The following SPAG9 variants were observed in gnomAD, a reference collection of about 807,000 sequenced individuals.
SPAG9 encodes the protein C-Jun-amino-terminal kinase-interacting protein 4.
A neutral mutation model predicts 166.5 loss-of-function variants in SPAG9; 35 were observed. The ratio of observed to expected loss-of-function variants is 0.21; its 90% CI spans 0.16 to 0.28. The LOEUF (loss-of-function observed/expected upper bound fraction) is 0.28, where lower values mean the gene tolerates loss of function less well. Among genes scored for constraint, SPAG9 ranks in the 10% least tolerant of loss-of-function variants. The pLI is 1.00. For synonymous variants in SPAG9, 534 were observed against 565.5 expected, an observed-to-expected ratio of 0.94 and a Z score of 0.79; for missense variants, 1,235 against 1,603.3, an observed-to-expected ratio of 0.77 and a Z score of 3.92.
chr17:50,970,766 G>A lies in SPAG9; in HGVS notation c.3791C>T (p.Thr1264Met), dbSNP rs146407229. 75 of 1,614,036 alleles carry A rather than the reference G, an allele frequency of 4.6e-5. No homozygotes were observed. Among genetic ancestry groups the A allele is most frequent in the Non-Finnish European group, 5.7e-5 (67 of 1,179,970 alleles). Residue 1264 changes from threonine to methionine, a missense_variant, in exon 29 of 30, where the codon ACG becomes ATG. Physicochemically the swap from Thr to Met is moderately conservative, Grantham distance 81. Transcript: ENST00000262013. The stretch of plus-strand genomic sequence containing the variant: ...GATGACAAGCATAGACTTCAAGGGC[G>A]TCTGACTACCAGGCTCCTGTGCAGA... The part of the protein sequence containing the change: ...GPSAQEPGSQ[T>M]PLKSMLVISG...
At chr17:51,091,732 C>T (rs2048470398) in intron 1 of SPAG9, among the ~76,000 whole-genome samples, 1 of 151,644 alleles carries the variant, frequency 6.6e-6, no homozygotes, top group Non-Finnish European at 1.5e-5. Flanking sequence ...ACTAAATACC[C>T]CTCTTCCCTT....
chr17:51,004,375 A>G (rs1424726704), intron 12 of SPAG9, among the ~76,000 whole-genome samples: 1 of 152,212 alleles, frequency 6.6e-6, no homozygotes, highest in Non-Finnish European at 1.5e-5. Flanking sequence ...AGGGGCACCA[A>G]GTGATCATTC....
intron 11 of SPAG9, 139 bp downstream of exon 11, chr17:51,005,946 G>T: frequency 1.2e-6 from 1 of 800,644 alleles, no homozygotes; most frequent in Non-Finnish European, 2.0e-6. Flanking sequence ...ATGGGCTGGG[G>T]CACTTTGCCC....
intron 2 of SPAG9, among the ~76,000 whole-genome samples, chr17:51,077,029 T>TAGCTAG: frequency 1.5e-5 from 1 of 65,344 alleles, no homozygotes; most frequent in Admixed American, 1.5e-4. Flanking sequence ...TATCTAGCTA[T>TAGCTAG]CTATCTAGCT....
intron 4 of SPAG9, among the ~76,000 whole-genome samples, chr17:51,045,964 A>C (rs1260726930): frequency 6.6e-6 from 1 of 152,238 alleles, no homozygotes; most frequent in Non-Finnish European, 1.5e-5. Context: ...AAAAGTCTTA[A>C]ATTTTTTCAC....
At chr17:51,021,431 G>T in intron 6 of SPAG9, 66 bp from the exon 7 acceptor site, 1 of 1,274,678 alleles carries the variant, frequency 7.8e-7, no homozygotes, top group Non-Finnish European at 1.1e-6. Flanking sequence ...ACATTAAATG[G>T]GTTGAGAAAT....
chr17:51,056,480 T>C lies in SPAG9; in HGVS notation c.427A>G (p.Ser143Gly), dbSNP rs747584447. 9 of 1,585,198 alleles carry C rather than the reference T, an allele frequency of 5.7e-6. No homozygotes were observed. The highest frequency in any genetic ancestry group is 7.8e-6 in the Non-Finnish European group (9 of 1,154,416). The change falls in exon 3 of 30, where the codon AGC becomes GGC. Residue 143 changes from serine (S) to glycine (G), a missense_variant and splice_region_variant. Ser to Gly is a moderately conservative substitution (Grantham distance 56, BLOSUM62 0). This residue lies in a region of SPAG9 where 288 missense variants were observed against 323.7 expected (regional missense o/e 0.89). Coordinates refer to ENST00000262013, the MANE Select transcript of SPAG9 (RefSeq NM_001130528.3). ...LKAKNYADQI[S>G]RLEEREAELK... Reference sequence around the variant, plus strand: ...TCTGCTTCTCTTTCTTCAAGTCTGCTAACTGAAATTAAGATACATACACTT... The same window carrying C: ...TCTGCTTCTCTTTCTTCAAGTCTGCCAACTGAAATTAAGATACATACACTT...
rs373394366 is a variant in SPAG9, at chr17:51,021,206, T to C, written c.943A>G (p.Lys315Glu). ...TGGGCTACCTGTACTTCAATGTGTT[T>C]GCTTATCTCTGATTTATTTGGCGCA... ...TDAPNKSEIS[K>E]HIEVQVAQET... is the part of the protein sequence containing the mutation. Residue 315 changes from lysine to glutamate, a missense_variant, in exon 7 of 30, where the codon AAA becomes GAA. By Grantham distance (56) the Lys-to-Glu change is moderately conservative (BLOSUM62 1). This residue lies in a region of SPAG9 where 288 missense variants were observed against 323.7 expected (regional missense o/e 0.89). Transcript: ENST00000262013. 1 of 1,613,992 alleles carries C rather than the reference T, an allele frequency of 6.2e-7. No individual in the cohort carries two copies. The highest frequency in any genetic ancestry group is 8.5e-7 in the Non-Finnish European group (1 of 1,179,992).
intron 15 of SPAG9, among the ~76,000 whole-genome samples, chr17:50,996,938 G>A (rs960442721): frequency 6.6e-6 from 1 of 152,174 alleles, no homozygotes; most frequent in Non-Finnish European, 1.5e-5. Flanking sequence ...TCAGGAGTTC[G>A]AGAGCAGCCT....
At chr17:50,975,904 A>T in intron 27 of SPAG9, 1 of 1,535,112 alleles carries the variant, frequency 6.5e-7, no homozygotes, top group East Asian at 2.4e-5. Context: ...GATTACGGCT[A>T]AAGTGAGAAA....
chr17:50,980,984 A>G (rs1974559929), intron 25 of SPAG9, among the ~76,000 whole-genome samples: 3 of 152,200 alleles, frequency 2.0e-5, no homozygotes, highest in African/African-American at 7.2e-5. Flanking sequence ...CCTGGGTGAC[A>G]GAGTGAGACC....
intron 8 of SPAG9, among the ~76,000 whole-genome samples, chr17:51,019,586 C>T (rs968319534): frequency 2.0e-5 from 3 of 149,742 alleles, no homozygotes; most frequent in African/African-American, 7.4e-5. Flanking sequence ...GGCGCAGTGG[C>T]TCACGACTGT....
rs146192933 is a variant in SPAG9, at chr17:50,989,057, A to G, written c.2813+620T>C. 8.9e-4 allele frequency among the ~76,000 whole-genome samples: 135 copies of G among 152,318 alleles called. 1 individual carries two copies. Among genetic ancestry groups the G allele is most frequent in the Middle Eastern group, 3.4e-3 (1 of 294 alleles). ...CAGTAAGTACAAAAAAAAAGAAAAA[A>G]AAACAGATCAGAGGAGAAAATGAAC... is the stretch of plus-strand genomic sequence containing the variant. On this transcript the variant is annotated intron_variant, in intron 21 of 29. Coordinates refer to ENST00000262013, the MANE Select transcript of SPAG9 (RefSeq NM_001130528.3).
chr17:50,987,056 A>T, intron 22 of SPAG9, 56 bp downstream of exon 22: 3 of 1,533,456 alleles, frequency 2.0e-6, no homozygotes, highest in Admixed American at 4.3e-5. Context: ...TTATCTTCTG[A>T]TTTCAAAAGC....
chr17:51,043,406 A>G (rs73986881), intron 4 of SPAG9, among the ~76,000 whole-genome samples: 56 of 152,314 alleles, frequency 3.7e-4, no homozygotes, highest in African/African-American at 1.2e-3. Flanking sequence ...TTGTACACAT[A>G]CACATTCCCA....
chr17:51,032,134 GATCAAAGGATCACCAAA>G (rs1223302918), intron 5 of SPAG9, among the ~76,000 whole-genome samples: 11 of 152,080 alleles, frequency 7.2e-5, no homozygotes. Flanking sequence ...TAACACTAAT[GATCAAAGGATCACCAAA>G]ATCCAAATCC....
intron 5 of SPAG9, among the ~76,000 whole-genome samples, chr17:51,034,305 T>C (rs980502853): frequency 2.2e-4 from 33 of 152,118 alleles, no homozygotes; most frequent in Admixed American, 1.1e-3. Flanking sequence ...AAACCAGAAG[T>C]AAATGAATGA....
chr17:51,081,504 G>A (rs920513511), intron 1 of SPAG9, among the ~76,000 whole-genome samples: 1 of 152,072 alleles, frequency 6.6e-6, no homozygotes, highest in Admixed American at 6.6e-5. Context: ...AGCACTTTGG[G>A]AGGCTGAGGC....
At chr17:51,025,710 G>A (rs961247209) in intron 6 of SPAG9, among the ~76,000 whole-genome samples, 1 of 152,110 alleles carries the variant, frequency 6.6e-6, no homozygotes, top group African/African-American at 2.4e-5. Context: ...GGGAAACCTG[G>A]TGAAACACTG....
Sources: gnomAD v4.1 joint callset for allele counts (sites outside exome capture counted in the v4.1 genomes callset) on GRCh38, gnomAD v4.1.1 for gene constraint, gnomAD v4.1.1 regional missense constraint, MANE v1.5 for transcripts, NCBI Gene and HGNC (gene_info 2026-07-23, HGNC 2026-07-21) for gene names.